The following TRDN variants were observed in gnomAD, a reference collection of about 807,000 sequenced individuals.
TRDN encodes the protein triadin.
Under a neutral mutation model 149.7 loss-of-function variants are expected in TRDN, and 161 were observed. The observed-to-expected ratio is 1.08, with a 90% CI of 0.95 to 1.23. The LOEUF (loss-of-function observed/expected upper bound fraction) is 1.23. Among genes scored for constraint, TRDN ranks in the 50% most tolerant of loss-of-function variants. The probability of loss-of-function intolerance (pLI) is 0.00; values close to 1 mark genes in which losing one functional copy is unlikely to be tolerated. For missense variants in TRDN, 896 were observed against 823.5 expected (o/e 1.09, Z -1.08); for synonymous variants, 294 against 250.5 (o/e 1.17, Z -1.64).
rs189949117 is a variant in TRDN at position 123,584,109 on chromosome 6, G to A, written c.23-12977C>T. 1.1e-4 allele frequency among the ~76,000 whole-genome samples: 17 copies of A among 152,208 alleles called. No homozygotes were observed. The East Asian group carries it at 2.7e-3, about 24-fold the overall frequency. On this transcript the variant is annotated intron_variant, in intron 1 of 40. Coordinates refer to ENST00000334268, the MANE Select transcript of TRDN (RefSeq NM_006073.4). ...GGAAATATGGGGAAATGGGGTGAAT[G>A]TCAGGAGGATCAGACAGATACAGTC...
At chr6:123,502,732 A>G (rs1424082574) in intron 8 of TRDN, 2 of 984,416 alleles carry the variant, frequency 2.0e-6, no homozygotes, top group African/African-American at 3.5e-5. Context: ...ATAGAAACCA[A>G]TTCTTTGATA....
chr6:123,635,198 G>T (rs762554721), intron 1 of TRDN, among the ~76,000 whole-genome samples: 47 of 151,822 alleles, frequency 3.1e-4, no homozygotes, highest in Non-Finnish European at 6.0e-4. Context: ...CTTTCTTTAA[G>T]GCAAACTAAA....
At chr6:123,417,676 G>T (rs1409344219) in intron 12 of TRDN, among the ~76,000 whole-genome samples, 1 of 152,162 alleles carries the variant, frequency 6.6e-6, no homozygotes, top group African/African-American at 2.4e-5. Context: ...CAAAGGCAGA[G>T]CACATGCATT....
chr6:123,487,717 T>C (rs1459662264), intron 9 of TRDN, among the ~76,000 whole-genome samples: 2 of 152,154 alleles, frequency 1.3e-5, no homozygotes, highest in African/African-American at 4.8e-5. Flanking sequence ...CTTTTCAGTC[T>C]GATATCCTCA....
chr6:123,363,342 A>T (rs1230459953), intron 20 of TRDN, among the ~76,000 whole-genome samples: 2 of 152,168 alleles, frequency 1.3e-5, no homozygotes, highest in African/African-American at 4.8e-5. Context: ...TGTCAGTGAG[A>T]GGTAGGAGAT....
At chr6:123,520,474 T>C (rs560350410) in intron 5 of TRDN, among the ~76,000 whole-genome samples, 57 of 152,240 alleles carry the variant, frequency 3.7e-4, no homozygotes, top group African/African-American at 1.3e-3. Flanking sequence ...GACTATAAAC[T>C]TGTTCTCATA....
intron 9 of TRDN, among the ~76,000 whole-genome samples, chr6:123,491,337 C>T (rs1778209711): frequency 1.3e-5 from 2 of 152,004 alleles, no homozygotes; most frequent in South Asian, 4.1e-4. Context: ...TTGGTATCTG[C>T]AAGATGAATA....
chr6:123,280,374 C>A (rs1246512560), intron 24 of TRDN, among the ~76,000 whole-genome samples: 2 of 152,136 alleles, frequency 1.3e-5, no homozygotes, highest in South Asian at 2.1e-4. Flanking sequence ...AATCTTCCAA[C>A]TTTGTTCTTT....
At chr6:123,550,654 A>G (rs924771979) in intron 2 of TRDN, among the ~76,000 whole-genome samples, 3 of 152,026 alleles carry the variant, frequency 2.0e-5, no homozygotes, top group Admixed American at 2.0e-4. Flanking sequence ...GTTTATACTG[A>G]TGGGAAGATC....
chr6:123,330,863 C>CA (rs1779635227), intron 23 of TRDN, among the ~76,000 whole-genome samples: 2 of 152,010 alleles, frequency 1.3e-5, no homozygotes, highest in Admixed American at 6.6e-5. Flanking sequence ...CGCTGATCTC[C>CA]ATACCACTTC....
Position 123,278,343 on chromosome 6 carries a change from T to C in TRDN, c.1542A>G (p.Leu514=). 7.7e-7 allele frequency: 1 copy of C among 1,293,552 alleles called. No homozygotes were observed. Among genetic ancestry groups the C allele is most frequent in the East Asian group, 2.9e-5 (1 of 33,998 alleles). 80.1% of individuals were successfully genotyped at this position (1,293,552 alleles called of 1,614,324 possible). A position where few individuals can be genotyped will look rare whatever the true frequency, so the allele number is the denominator to read the frequency against. The change falls in exon 26 of 41, where the codon CTA becomes CTG. Residue 514 remains leucine (L), a synonymous_variant. Coordinates refer to ENST00000334268, the MANE Select transcript of TRDN (RefSeq NM_006073.4). ...CTGGCTTCTCTTCCTTTTTTCCTTG[T>C]AGTTCTAAAAATATAGATGAACATT... ...GKEVKPKPPQ[L]QGKKEEKPEP... is the part of the protein sequence containing the mutation.
intron 4 of TRDN, among the ~76,000 whole-genome samples, chr6:123,538,559 G>C (rs1319734530): frequency 6.6e-6 from 1 of 152,198 alleles, no homozygotes; most frequent in East Asian, 1.9e-4. Flanking sequence ...GAAGCACCTA[G>C]TATGTGTATG....
chr6:123,423,162 A>G (rs918506669), intron 12 of TRDN, among the ~76,000 whole-genome samples: 1 of 152,188 alleles, frequency 6.6e-6, no homozygotes, highest in Non-Finnish European at 1.5e-5. Context: ...CACATTAAAC[A>G]TTTTAAAAAA....
intron 24 of TRDN, among the ~76,000 whole-genome samples, chr6:123,295,730 G>A (rs904969761): frequency 2.0e-5 from 3 of 151,942 alleles, no homozygotes; most frequent in East Asian, 1.9e-4. Context: ...TTGGAAGACC[G>A]AGGCAGGTGG....
chr6:123,288,316 T>C (rs754225993), intron 24 of TRDN, among the ~76,000 whole-genome samples: 43 of 152,048 alleles, frequency 2.8e-4, no homozygotes, highest in Non-Finnish European at 5.7e-4. Flanking sequence ...AGAACTCCAC[T>C]GGTCAGAGTA....
intron 36 of TRDN, among the ~76,000 whole-genome samples, 178 bp from the exon 37 acceptor site, chr6:123,255,303 A>G (rs936760162): frequency 6.6e-6 from 1 of 152,128 alleles, no homozygotes. Flanking sequence ...AGCACTAGAC[A>G]TTGTTTTATA....
chr6:123,351,275 CAT>C, intron 21 of TRDN: 1 of 959,354 alleles, frequency 1.0e-6, no homozygotes, highest in East Asian at 1.2e-4. Context: ...TATCCTTTCA[CAT>C]ATGTTTTCAT....
At chr6:123,333,464 T>C (rs1198062492) in intron 22 of TRDN, among the ~76,000 whole-genome samples, 1 of 152,094 alleles carries the variant, frequency 6.6e-6, no homozygotes, top group Non-Finnish European at 1.5e-5. Flanking sequence ...TGGAGAATGA[T>C]CTCAGAAAAT....
At chr6:123,424,771 C>T (rs566913531) in intron 12 of TRDN, among the ~76,000 whole-genome samples, 1 of 152,238 alleles carries the variant, frequency 6.6e-6, no homozygotes, top group Admixed American at 6.5e-5. Flanking sequence ...GATGAATAGC[C>T]TTTTACACCT....
Sources: allele counts gnomAD v4.1 joint callset (sites outside exome capture counted in the v4.1 genomes callset), GRCh38; gene constraint gnomAD v4.1.1; transcripts MANE v1.5; gene names NCBI Gene and HGNC (gene_info 2026-07-23, HGNC 2026-07-21).